Variants in FNDC3A observed in about 807,000 individuals in gnomAD.
FNDC3A encodes the protein fibronectin type III domain containing 3A, also known as fibronectin type-III domain-containing protein 3A.
Under a neutral mutation model 148.9 loss-of-function variants are expected in FNDC3A, and 32 were observed. That is an observed-to-expected ratio of 0.21 (90% CI 0.16 to 0.29). FNDC3A has a LOEUF of 0.29. FNDC3A is among the 10% of genes least tolerant of loss of function. The pLI, the probability that FNDC3A is intolerant of heterozygous loss-of-function variation, is 1.00. For synonymous variants in FNDC3A, 472 were observed against 473.6 expected (o/e 1.00, Z 0.04); for missense variants, 1,191 against 1,452.8 (o/e 0.82, Z 2.93).
chr13:49,126,029 C>T (rs939012103), intron 4 of FNDC3A, among the ~76,000 whole-genome samples: 9 of 151,998 alleles, frequency 5.9e-5, no homozygotes, highest in South Asian at 2.1e-4. Flanking sequence ...CTTTTCACAA[C>T]GTACTTATTT....
rs182093128 is a variant in FNDC3A at position 49,088,987 on chromosome 13, A to T, written c.175+13623A>T. On this transcript the variant is annotated intron_variant, in intron 3 of 25. Transcript: ENST00000492622. The stretch of plus-strand genomic sequence containing the variant: ...TTACGTGAGGTATCCAAAATAGTCA[A>T]ATTCATAGAGAGAGAAAATAGAATA... Among the ~76,000 whole-genome samples, 1,119 of 152,348 alleles carry T rather than the reference A, an allele frequency of 7.3e-3. 24 individuals are homozygous for T. Among genetic ancestry groups the T allele is most frequent in the Non-Finnish European group, 5.9e-3 (399 of 68,038 alleles).
rs144372541 is a variant in FNDC3A, at chr13:49,191,347, C to T, written c.2189C>T (p.Thr730Ile). Residue 730 changes from threonine to isoleucine, a missense_variant, in exon 19 of 26, where the codon ACA (threonine) becomes ATA (isoleucine). By Grantham distance (89) the Thr-to-Ile change is moderately conservative. Around this residue, in one of 3 missense-constraint regions of FNDC3A, gnomAD observed 751 missense variants for 944.0 expected, o/e 0.80. Transcript: ENST00000492622. The stretch of plus-strand genomic sequence containing the variant: ...GTGAGCAGCCTTCTTCCTGGAAAGA[C>T]ATACAGCTTCAGACTACGTGCAGCT... The part of the protein sequence containing the change: ...CTVSSLLPGK[T>I]YSFRLRAANK... The T allele has an allele frequency of 9.9e-6, 16 of 1,609,834 alleles. No homozygotes were observed. The highest frequency in any genetic ancestry group is 2.2e-5 in the South Asian group (2 of 90,050).
chr13:49,173,228 G>T (rs1168279641), intron 11 of FNDC3A, among the ~76,000 whole-genome samples: 1 of 152,166 alleles, frequency 6.6e-6, no homozygotes, highest in African/African-American at 2.4e-5. Flanking sequence ...GGGAGTGGAA[G>T]AAATTCCATT....
intron 8 of FNDC3A, among the ~76,000 whole-genome samples, chr13:49,148,710 T>G (rs1258572674): frequency 5.3e-5 from 8 of 152,164 alleles, no homozygotes; most frequent in Non-Finnish European, 8.8e-5. Flanking sequence ...TCCATAGACA[T>G]TTTTGGATCA....
intron 14 of FNDC3A, among the ~76,000 whole-genome samples, chr13:49,181,355 G>A (rs138240749): frequency 2.7e-3 from 410 of 152,282 alleles, no homozygotes; most frequent in African/African-American, 8.6e-3. Context: ...TGTCAGTATC[G>A]CCTGAGAACT....
At chr13:48,988,501 G>A (rs1465017652) in intron 1 of FNDC3A, among the ~76,000 whole-genome samples, 1 of 152,090 alleles carries the variant, frequency 6.6e-6, no homozygotes, top group African/African-American at 2.4e-5. Context: ...AATCTAAATT[G>A]CATATGAGAA....
At chr13:49,070,903 T>G (rs563258369) in intron 2 of FNDC3A, among the ~76,000 whole-genome samples, 2 of 147,002 alleles carry the variant, frequency 1.4e-5, no homozygotes, top group South Asian at 2.2e-4. Context: ...TGTTTTGTTT[T>G]TTTTCTTTTT....
chr13:49,204,240 A>G (rs1186239914), intron 25 of FNDC3A, among the ~76,000 whole-genome samples: 3 of 152,210 alleles, frequency 2.0e-5, no homozygotes, highest in South Asian at 2.1e-4. Context: ...AGTGTTGCCA[A>G]TGTTTGTTAC....
At chr13:49,021,500 T>G (rs1873326040) in intron 2 of FNDC3A, among the ~76,000 whole-genome samples, 1 of 152,186 alleles carries the variant, frequency 6.6e-6, no homozygotes, top group African/African-American at 2.4e-5. Context: ...AACCATTCTT[T>G]CCCTTCCAGT....
intron 2 of FNDC3A, among the ~76,000 whole-genome samples, chr13:49,035,282 GAAAT>G (rs1874412805): frequency 6.6e-6 from 1 of 151,996 alleles, no homozygotes; most frequent in Non-Finnish European, 1.5e-5. Flanking sequence ...AAGCCATTCT[GAAAT>G]AAATGAGAAC....
At chr13:49,012,122 A>T (rs1337974437) in intron 2 of FNDC3A, among the ~76,000 whole-genome samples, 1 of 147,750 alleles carries the variant, frequency 6.8e-6, no homozygotes, top group Non-Finnish European at 1.5e-5. Flanking sequence ...TTATTTATGG[A>T]TTTTTTTTTT....
intron 8 of FNDC3A, chr13:49,146,539 C>G (rs1471358870): frequency 6.6e-6 from 1 of 152,292 alleles, no homozygotes; most frequent in African/African-American, 2.4e-5. Flanking sequence ...CAGTTCGAGA[C>G]CAGCCTGGCC....
chr13:49,032,765 T>C (rs1487364738), intron 2 of FNDC3A, among the ~76,000 whole-genome samples: 1 of 152,094 alleles, frequency 6.6e-6, no homozygotes, highest in Admixed American at 6.5e-5. Context: ...GAAATTTCTT[T>C]TTGAGGTGAT....
At chr13:48,990,952 CAA>C (rs1382786661) in intron 1 of FNDC3A, among the ~76,000 whole-genome samples, 2 of 151,896 alleles carry the variant, frequency 1.3e-5, no homozygotes, top group Non-Finnish European at 1.5e-5. Flanking sequence ...ACTCAAGTAA[CAA>C]AGAGTTGTAG....
intron 8 of FNDC3A, among the ~76,000 whole-genome samples, chr13:49,161,751 C>T (rs1003755579): frequency 1.8e-4 from 28 of 152,226 alleles, no homozygotes; most frequent in African/African-American, 6.7e-4. Flanking sequence ...ACTGATGGTT[C>T]CTTTCCATGT....
At chr13:49,017,397 C>T (rs927144022) in intron 2 of FNDC3A, among the ~76,000 whole-genome samples, 3 of 152,118 alleles carry the variant, frequency 2.0e-5, no homozygotes, top group Middle Eastern at 6.8e-3. Context: ...GGTTTAAAGT[C>T]GTTTTATTAG....
chr13:49,133,765 A>G (rs1882171200), intron 5 of FNDC3A, among the ~76,000 whole-genome samples: 1 of 152,242 alleles, frequency 6.6e-6, no homozygotes, highest in African/African-American at 2.4e-5. Flanking sequence ...ACCGAGGCTC[A>G]GAAATGTTAA....
chr13:49,116,565 C>T (rs752599245), intron 4 of FNDC3A, among the ~76,000 whole-genome samples: 6 of 152,222 alleles, frequency 3.9e-5, no homozygotes, highest in Admixed American at 1.3e-4. Context: ...GAGGCCAAGG[C>T]GGGTGGATTA....
At chr13:49,152,129 C>A (rs905343853) in intron 8 of FNDC3A, among the ~76,000 whole-genome samples, 3 of 152,140 alleles carry the variant, frequency 2.0e-5, no homozygotes, top group Admixed American at 6.6e-5. Context: ...ATTTCTAGTT[C>A]TAGATCCTTG....
Sources: allele counts gnomAD v4.1 joint callset (sites outside exome capture counted in the v4.1 genomes callset), GRCh38; gene constraint gnomAD v4.1.1; regional missense constraint gnomAD v4.1.1; transcripts MANE v1.5; gene names NCBI Gene and HGNC (gene_info 2026-07-23, HGNC 2026-07-21).